Variants in UGGT2 observed in about 807,000 individuals in gnomAD.
UGGT2 encodes UDP-glucose:glycoprotein glucosyltransferase 2.
A neutral mutation model predicts 192.1 loss-of-function variants in UGGT2; 180 were observed. That is an observed-to-expected ratio of 0.94 (90% CI 0.83 to 1.06). UGGT2 has a LOEUF of 1.06. UGGT2 is among the 50% of genes least tolerant of loss of function. UGGT2 has a pLI of 0.00. For synonymous variants in UGGT2, 580 were observed against 591.0 expected (o/e 0.98, Z 0.27); for missense variants, 1,849 against 1,795.7 (o/e 1.03, Z -0.54).
chr13:95,937,660 G>A (rs1224730483), intron 16 of UGGT2, among the ~76,000 whole-genome samples: 1 of 152,138 alleles, frequency 6.6e-6, no homozygotes, highest in Non-Finnish European at 1.5e-5. Flanking sequence ...AAGACTCTAT[G>A]GGGCCCAGGA....
intron 6 of UGGT2, among the ~76,000 whole-genome samples, chr13:95,996,611 C>T (rs1192083914): frequency 6.6e-6 from 1 of 152,000 alleles, no homozygotes; most frequent in African/African-American, 2.4e-5. Context: ...GCTAACATTC[C>T]TAAGTGTGAG....
intron 12 of UGGT2, among the ~76,000 whole-genome samples, chr13:95,953,088 T>G (rs1045108021): frequency 6.6e-6 from 1 of 152,234 alleles, no homozygotes; most frequent in African/African-American, 2.4e-5. Flanking sequence ...CATTTTAAAT[T>G]GGCTTTTAAA....
At chr13:96,007,769 T>G (rs1199709842) in intron 5 of UGGT2, among the ~76,000 whole-genome samples, 1 of 151,992 alleles carries the variant, frequency 6.6e-6, no homozygotes, top group African/African-American at 2.4e-5. Context: ...ACTACAACAC[T>G]GATGAAAGGA....
At chr13:95,805,075 C>A (rs2139725201) in intron 38 of UGGT2, among the ~76,000 whole-genome samples, 1 of 151,558 alleles carries the variant, frequency 6.6e-6, no homozygotes, top group Non-Finnish European at 1.5e-5. Flanking sequence ...ATAAAGAAAC[C>A]CTGCAACTCA....
chr13:96,041,492 T>C (rs1419053843), intron 1 of UGGT2, among the ~76,000 whole-genome samples: 1 of 152,140 alleles, frequency 6.6e-6, no homozygotes, highest in Non-Finnish European at 1.5e-5. Flanking sequence ...AGAAATCTCC[T>C]GGCCAGAACT....
intron 20 of UGGT2, among the ~76,000 whole-genome samples, chr13:95,922,859 A>C (rs578041022): frequency 1.1e-4 from 17 of 152,252 alleles, no homozygotes; most frequent in Admixed American, 2.6e-4. Flanking sequence ...CAAAACAAAA[A>C]AATTTAAAAA....
At chr13:95,912,457 A>C (rs990613526) in intron 20 of UGGT2, among the ~76,000 whole-genome samples, 9 of 131,806 alleles carry the variant, frequency 6.8e-5, no homozygotes, top group African/African-American at 2.7e-4. Flanking sequence ...ACAAAGAGAG[A>C]GCCAAATCAT....
At chr13:95,905,403 T>A (rs1257902214) in intron 20 of UGGT2, among the ~76,000 whole-genome samples, 1 of 151,998 alleles carries the variant, frequency 6.6e-6, no homozygotes, top group African/African-American at 2.4e-5. Flanking sequence ...ATGCCTAGGT[T>A]TTCTTGTAGG....
intron 5 of UGGT2, among the ~76,000 whole-genome samples, chr13:96,006,394 G>C (rs2051975793): frequency 6.6e-6 from 1 of 152,214 alleles, no homozygotes; most frequent in Non-Finnish European, 1.5e-5. Context: ...GGAGGCTGAG[G>C]TGGATGGATT....
intron 7 of UGGT2, among the ~76,000 whole-genome samples, chr13:95,994,790 C>A (rs2051566461): frequency 6.6e-6 from 1 of 151,842 alleles, no homozygotes; most frequent in African/African-American, 2.4e-5. Context: ...AGAACAGGAT[C>A]AAAAAATGCT....
intron 6 of UGGT2, among the ~76,000 whole-genome samples, chr13:95,996,527 A>T (rs982738712): frequency 5.9e-5 from 9 of 152,064 alleles, no homozygotes; most frequent in Non-Finnish European, 1.3e-4. Flanking sequence ...ACTCACAATG[A>T]AATGAAATTC....
intron 1 of UGGT2, among the ~76,000 whole-genome samples, chr13:96,046,703 G>A (rs1255188059): frequency 6.6e-6 from 1 of 152,198 alleles, no homozygotes; most frequent in African/African-American, 2.4e-5. Flanking sequence ...AGAGGTCGGG[G>A]AATTCCCTTT....
chr13:95,937,790 A>C (rs1293028884), intron 16 of UGGT2, among the ~76,000 whole-genome samples: 1 of 152,214 alleles, frequency 6.6e-6, no homozygotes, highest in African/African-American at 2.4e-5. Context: ...AAATAGAGAA[A>C]GACAGTCCAA....
intron 29 of UGGT2, among the ~76,000 whole-genome samples, chr13:95,868,485 T>G (rs1403264770): frequency 6.6e-6 from 1 of 152,106 alleles, no homozygotes; most frequent in African/African-American, 2.4e-5. Context: ...TGGTCCCAGC[T>G]AGTCAGGAGG....
At chr13:95,977,752 T>C (rs564952325) in intron 10 of UGGT2, among the ~76,000 whole-genome samples, 16 of 152,312 alleles carry the variant, frequency 1.1e-4, no homozygotes, top group South Asian at 1.0e-3. Context: ...CGTATGTTTA[T>C]TGCAGCATTA....
intron 36 of UGGT2, among the ~76,000 whole-genome samples, chr13:95,850,155 A>G (rs931826329): frequency 3.9e-5 from 6 of 152,028 alleles, no homozygotes; most frequent in African/African-American, 1.4e-4. Context: ...CTATAAATTT[A>G]TTTCTAAGAA....
intron 5 of UGGT2, among the ~76,000 whole-genome samples, chr13:96,011,859 C>G (rs1047549125): frequency 1.3e-5 from 2 of 151,998 alleles, no homozygotes; most frequent in African/African-American, 4.8e-5. Flanking sequence ...GAAGGCAAAG[C>G]TCAATATATA....
At chr13:95,821,657 G>C (rs1885530606) in intron 38 of UGGT2, among the ~76,000 whole-genome samples, 1 of 152,124 alleles carries the variant, frequency 6.6e-6, no homozygotes, top group African/African-American at 2.4e-5. Context: ...CCAATGTCCA[G>C]AAGAGTTTTT....
chr13:96,042,953 G>A (rs999047360), intron 1 of UGGT2, among the ~76,000 whole-genome samples: 2 of 152,154 alleles, frequency 1.3e-5, no homozygotes, highest in Non-Finnish European at 2.9e-5. Context: ...GGGAATAATT[G>A]AGGAAAACTT....
Sources: gnomAD v4.1 joint callset for allele counts (sites outside exome capture counted in the v4.1 genomes callset) on GRCh38, gnomAD v4.1.1 for gene constraint, MANE v1.5 for transcripts, NCBI Gene and HGNC (gene_info 2026-07-23, HGNC 2026-07-21) for gene names.